Variants in CDH13 observed in about 807,000 individuals in gnomAD.
The protein encoded by CDH13 is cadherin-13.
CDH13 carries 24 observed loss-of-function variants against 63.8 expected under a neutral mutation model. The ratio of observed to expected loss-of-function variants is 0.38; its 90% confidence interval spans 0.27 to 0.53. The LOEUF is 0.53. CDH13 is among the 20% of genes least tolerant of loss of function. The pLI, the probability that CDH13 is intolerant of heterozygous loss-of-function variation, is 0.85. For synonymous variants in CDH13, 503 were observed against 355.3 expected (o/e 1.42, Z -4.67); for missense variants, 1,049 against 903.1 (o/e 1.16, Z -2.07).
intron 3 of CDH13, among the ~76,000 whole-genome samples, chr16:83,083,211 T>C (rs1485400530): frequency 6.6e-6 from 1 of 152,252 alleles, no homozygotes; most frequent in African/African-American, 2.4e-5. Flanking sequence ...ATACAGCATC[T>C]TACTTGATTC....
rs911968022 is a variant in CDH13, at chr16:82,808,057, G to C, written c.46-50305G>C. On this transcript the variant is annotated intron_variant, in intron 1 of 13. Transcript: ENST00000567109. The stretch of plus-strand genomic sequence containing the variant: ...CAAGGGGCAAAATGGGGAGGAGAGA[G>C]TGTAGTCAGAAGTCCCAGGGTCTTA... Among the ~76,000 whole-genome samples the C allele has an allele frequency of 8.2e-4, 125 of 152,284 alleles. 1 individual carries two copies. Among genetic ancestry groups the C allele is most frequent in the African/African-American group, 2.8e-3 (118 of 41,564 alleles).
intron 6 of CDH13, among the ~76,000 whole-genome samples, chr16:83,378,979 A>G (rs1025523560): frequency 6.7e-6 from 1 of 149,382 alleles, no homozygotes; most frequent in South Asian, 2.1e-4. Flanking sequence ...GAAATTGTAT[A>G]TACACATGCA....
intron 1 of CDH13, among the ~76,000 whole-genome samples, chr16:82,664,541 G>A (rs975761086): frequency 6.6e-6 from 1 of 152,214 alleles, no homozygotes; most frequent in Non-Finnish European, 1.5e-5. Context: ...TGCCTTTGAA[G>A]CATGACTTTC....
chr16:82,983,695 G>A (rs1910579917), intron 2 of CDH13, among the ~76,000 whole-genome samples: 1 of 152,210 alleles, frequency 6.6e-6, no homozygotes, highest in Admixed American at 6.5e-5. Flanking sequence ...GTTCAGGGGT[G>A]TGTGTATGAG....
At chr16:83,704,569 C>T (rs1027875791) in intron 10 of CDH13, among the ~76,000 whole-genome samples, 3 of 152,196 alleles carry the variant, frequency 2.0e-5, no homozygotes, top group Admixed American at 1.3e-4. Flanking sequence ...CCCACAGCCC[C>T]GCTGCCACAG....
At chr16:82,882,998 T>A (rs563384898) in intron 2 of CDH13, among the ~76,000 whole-genome samples, 1 of 152,304 alleles carries the variant, frequency 6.6e-6, no homozygotes, top group South Asian at 2.1e-4. Context: ...TAAAGAGATT[T>A]GTCCTATGAG....
At chr16:83,348,047 G>A (rs149924585) in intron 6 of CDH13, among the ~76,000 whole-genome samples, 254 of 152,214 alleles carry the variant, frequency 1.7e-3, no homozygotes, top group Middle Eastern at 0.01. Context: ...AAAATTAGCC[G>A]GGTGCGGTGG....
At chr16:82,661,699 C>T (rs1056884599) in intron 1 of CDH13, among the ~76,000 whole-genome samples, 1 of 152,184 alleles carries the variant, frequency 6.6e-6, no homozygotes, top group Non-Finnish European at 1.5e-5. Flanking sequence ...GTCTTTTATT[C>T]CATCAGAAAT....
At chr16:83,636,865 A>G (rs182710187) in intron 8 of CDH13, among the ~76,000 whole-genome samples, 26 of 152,302 alleles carry the variant, frequency 1.7e-4, no homozygotes, top group African/African-American at 5.5e-4. Flanking sequence ...GAACTAATCT[A>G]CATTCCCACC....
chr16:83,269,298 A>G (rs561744877), intron 5 of CDH13, among the ~76,000 whole-genome samples: 81 of 152,180 alleles, frequency 5.3e-4, no homozygotes, highest in South Asian at 8.3e-4. Context: ...TGGGGGGCAG[A>G]TCCTATCACC....
chr16:82,850,804 A>G (rs2039451179), intron 1 of CDH13, among the ~76,000 whole-genome samples: 1 of 152,210 alleles, frequency 6.6e-6, no homozygotes, highest in South Asian at 2.1e-4. Context: ...CAGCAAAAAG[A>G]CAACCACTTG....
At chr16:83,624,431 G>T (rs11645933) in intron 8 of CDH13, among the ~76,000 whole-genome samples, 2 of 152,062 alleles carry the variant, frequency 1.3e-5, no homozygotes, top group African/African-American at 4.8e-5. Flanking sequence ...TGGCAGGGGT[G>T]GTGGGGGATG....
At chr16:83,468,746 G>A (rs997262884) in intron 6 of CDH13, among the ~76,000 whole-genome samples, 6 of 151,994 alleles carry the variant, frequency 3.9e-5, no homozygotes, top group African/African-American at 9.7e-5. Flanking sequence ...ATAAATCATC[G>A]TCCTGTGTAA....
chr16:83,584,161 C>G (rs1361238935), intron 7 of CDH13, among the ~76,000 whole-genome samples: 1 of 152,000 alleles, frequency 6.6e-6, no homozygotes, highest in Non-Finnish European at 1.5e-5. Context: ...AACCCCATCT[C>G]TACTAAAAAT....
At chr16:83,009,835 C>T (rs533374847) in intron 2 of CDH13, among the ~76,000 whole-genome samples, 59 of 152,232 alleles carry the variant, frequency 3.9e-4, no homozygotes, top group African/African-American at 1.4e-3. Context: ...CCCAAAGATT[C>T]TGATTAGAAT....
chr16:83,719,659 C>G (rs960386111), intron 10 of CDH13, among the ~76,000 whole-genome samples: 1 of 152,122 alleles, frequency 6.6e-6, no homozygotes, highest in African/African-American at 2.4e-5. Context: ...CACGGTGACG[C>G]TAGGAGGTAT....
chr16:83,132,376 G>C (rs376388078), intron 4 of CDH13, among the ~76,000 whole-genome samples: 1 of 151,080 alleles, frequency 6.6e-6, no homozygotes, highest in Non-Finnish European at 1.5e-5. Context: ...CTTTATCTAT[G>C]TCTAACTATA....
intron 6 of CDH13, among the ~76,000 whole-genome samples, chr16:83,406,986 T>C (rs1421215893): frequency 2.0e-5 from 3 of 152,240 alleles, no homozygotes; most frequent in Non-Finnish European, 4.4e-5. Flanking sequence ...AAAAAGTAAC[T>C]TAATGAAACA....
intron 1 of CDH13, among the ~76,000 whole-genome samples, chr16:82,772,226 G>A (rs1364946105): frequency 6.6e-6 from 1 of 151,954 alleles, no homozygotes; most frequent in African/African-American, 2.4e-5. Context: ...TACAAATTAG[G>A]GCTCCCTTCC....
Sources: gnomAD v4.1 joint callset for allele counts (sites outside exome capture counted in the v4.1 genomes callset) on GRCh38, gnomAD v4.1.1 for gene constraint, MANE v1.5 for transcripts, NCBI Gene and HGNC (gene_info 2026-07-23, HGNC 2026-07-21) for gene names.